The following FURIN variants were observed in gnomAD, a reference collection of about 807,000 sequenced individuals.
The protein encoded by FURIN is furin, paired basic amino acid cleaving enzyme, also known as FES upstream region.
FURIN carries 18 observed loss-of-function variants against 89.2 expected under a neutral mutation model. The ratio of observed to expected loss-of-function variants is 0.20; its 90% CI spans 0.14 to 0.30. FURIN has a LOEUF of 0.30. Ranked by LOEUF, FURIN falls within the 10% of genes least tolerant of loss-of-function variation. The pLI, the probability that FURIN is intolerant of heterozygous loss-of-function variation, is 1.00. For synonymous variants in FURIN, 508 were observed against 466.4 expected (o/e 1.09, Z -1.15); for missense variants, 879 against 1,100.5 (o/e 0.80, Z 2.85).
At position 90,881,542 on chromosome 15, in the gene FURIN, A is replaced by C. The variant is rs1216463942; in HGVS notation, c.2049A>C (p.Arg683=). Residue 683 remains arginine, a synonymous_variant, in exon 16 of 16, where the codon CGA becomes CGC. Coordinates refer to ENST00000268171, the MANE Select transcript of FURIN (RefSeq NM_002569.4). The surrounding 1 kb of genome is among the most constrained non-coding windows in gnomAD (Gnocchi z 4.3). ...QTCSRQSQSS[R]ESPPQQQPPR... ...GCTCCCGGCAAAGCCAGAGCAGCCGAGAGTCCCCGCCACAGCAGCAGCCAC... is the reference window on the plus strand; with the variant it reads ...GCTCCCGGCAAAGCCAGAGCAGCCGCGAGTCCCCGCCACAGCAGCAGCCAC... 1 of 1,611,546 alleles carries C rather than the reference A, an allele frequency of 6.2e-7. No homozygotes were observed. Among genetic ancestry groups the C allele is most frequent in the Non-Finnish European group, 8.5e-7 (1 of 1,179,476 alleles).
At chr15:90,879,141 A>G (rs1000934944) in intron 9 of FURIN, among the ~76,000 whole-genome samples, 165 bp downstream of exon 9, 1 of 152,224 alleles carries the variant, frequency 6.6e-6, no homozygotes, top group African/African-American at 2.4e-5. Context: ...CTTGGAGGCC[A>G]TGGAGCCATC....
chr15:90,871,853 C>T (rs536687112), intron 1 of FURIN, among the ~76,000 whole-genome samples: 2,791 of 150,490 alleles, frequency 0.019, 86 homozygotes, highest in African/African-American at 0.063. Context: ...GGTGGAGCTG[C>T]CGGGAGCAGA....
Position 90,878,968 on chromosome 15 carries a change from A to G in FURIN, c.1045A>G (p.Lys349Glu). The G allele has an allele frequency of 6.3e-7, 1 of 1,588,944 alleles. No homozygotes were observed. The highest frequency in any genetic ancestry group is 8.6e-7 in the Non-Finnish European group (1 of 1,167,004). Residue 349 changes from lysine to glutamate, a missense_variant, in exon 9 of 16, where the codon AAG becomes GAG. This residue lies in a region of FURIN where 156 missense variants were observed against 243.7 expected (regional missense o/e 0.64). Transcript: ENST00000268171. The part of the protein sequence containing the change: ...TTYSSGNQNE[K>E]QIVTTDLRQK... ...CTACAGCAGTGGCAACCAGAATGAG[A>G]AGCAGATCGTGAGTCTTACCTGGGG...
rs2031626692 is a variant in FURIN, at chr15:90,876,380, C to T, written c.276+27C>T. 2 of 1,539,696 alleles carry T rather than the reference C, an allele frequency of 1.3e-6. No homozygotes were observed. Among genetic ancestry groups the T allele is most frequent in the African/African-American group, 1.4e-5 (1 of 73,394 alleles). ...TGAGTGTGGCCCCAGCCCCCTCCTG[C>T]TGCCACCCTCCCCCTCCTGCTCTCA... On this transcript the variant is annotated intron_variant, in intron 3 of 15. Coordinates refer to ENST00000268171, the MANE Select transcript of FURIN (RefSeq NM_002569.4). The surrounding 1 kb of genome is among the most constrained non-coding windows in gnomAD (Gnocchi z 5.0).
chr15:90,879,942 C>G lies in FURIN; in HGVS notation c.1334C>G (p.Ala445Gly), dbSNP rs778834127. 3 of 1,612,832 alleles carry G rather than the reference C, an allele frequency of 1.9e-6. No homozygotes were observed. Among genetic ancestry groups the G allele is most frequent in the South Asian group, 2.2e-5 (2 of 91,076 alleles). Residue 445 changes from alanine (A) to glycine (G), a missense_variant, in exon 12 of 16, where the codon GCC becomes GGC. Physicochemically the swap from Ala to Gly is moderately conservative, Grantham distance 60 (BLOSUM62 0). Coordinates refer to ENST00000268171, the MANE Select transcript of FURIN (RefSeq NM_002569.4). ...VALAQNWTTV[A>G]PQRKCIIDIL... The stretch of plus-strand genomic sequence containing the variant: ...CTGGCCCAGAATTGGACCACAGTGG[C>G]CCCCCAGCGGAAGTGCATCATCGAC...
chr15:90,878,714 C>T (rs1206409681), intron 8 of FURIN, 50 bp from the exon 9 acceptor site: 1 of 1,122,860 alleles, frequency 8.9e-7, no homozygotes, highest in Non-Finnish European at 1.3e-6. Context: ...CTCCTGCCAG[C>T]CCTCCCTCAA....
chr15:90,878,321 T>C lies in FURIN; in HGVS notation c.840+17T>C. The C allele has an allele frequency of 6.4e-7, 1 of 1,560,558 alleles. No homozygotes were observed. Among genetic ancestry groups the C allele is most frequent in the Non-Finnish European group, 8.7e-7 (1 of 1,150,736 alleles). Reference sequence around the variant, plus strand: ...GTTAGCCAGGTGAGGTGGGGATCTGTCCAGCCCCTGCGGGCAGGTTGGGTG... The same window carrying C: ...GTTAGCCAGGTGAGGTGGGGATCTGCCCAGCCCCTGCGGGCAGGTTGGGTG... On this transcript the variant is annotated intron_variant, in intron 8 of 15. Transcript: ENST00000268171.
rs1031373912 is a variant in FURIN at position 90,881,616 on chromosome 15, T to C, written c.2123T>C (p.Leu708Pro). 1.2e-6 allele frequency: 2 copies of C among 1,600,806 alleles called. No individual in the cohort carries two copies. Among genetic ancestry groups the C allele is most frequent in the African/African-American group, 1.3e-5 (1 of 74,640 alleles). ...GCGGGGCAACGGCTGCGGGCAGGGC[T>C]GCTGCCCTCACACCTGCCTGAGGTG... ...VEAGQRLRAG[L>P]LPSHLPEVVA... The change falls in exon 16 of 16, where the codon CTG becomes CCG. Residue 708 changes from leucine (L) to proline (P), a missense_variant. Leu to Pro is a moderately conservative substitution (Grantham distance 98). This residue lies in a region of FURIN where 457 missense variants were observed against 490.7 expected (regional missense o/e 0.93). Coordinates refer to ENST00000268171, the MANE Select transcript of FURIN (RefSeq NM_002569.4). This position sits in a 1 kb window ranked among gnomAD's most constrained non-coding sequence, Gnocchi z 4.3.
intron 1 of FURIN, among the ~76,000 whole-genome samples, chr15:90,869,618 G>GC (rs59065675): frequency 0.49 from 75,014 of 151,844 alleles, 19,762 homozygotes; most frequent in African/African-American, 0.67. Flanking sequence ...TTTGCCTTAT[G>GC]CAGATTGAAG....
intron 1 of FURIN, among the ~76,000 whole-genome samples, chr15:90,870,103 C>G (rs1467827952): frequency 6.6e-6 from 1 of 152,200 alleles, no homozygotes; most frequent in Non-Finnish European, 1.5e-5. Flanking sequence ...CCAGTTCTTG[C>G]AGTGTTTGTA....
At position 90,875,624 on chromosome 15, in the gene FURIN, C is replaced by T. The variant is rs1199472328; in HGVS notation, c.-117C>T. ...CTCCCGAGCCCTGCCCGTCTCGGCCCCATGCCCCCACCAGTCAGCCCCGGG... is the reference window on the plus strand; with the variant it reads ...CTCCCGAGCCCTGCCCGTCTCGGCCTCATGCCCCCACCAGTCAGCCCCGGG... On this transcript the variant is annotated 5_prime_UTR_variant, in exon 2 of 16. Coordinates refer to ENST00000268171, the MANE Select transcript of FURIN (RefSeq NM_002569.4). The T allele has an allele frequency of 3.4e-6, 3 of 888,446 alleles. No individual in the cohort carries two copies. The highest frequency in any genetic ancestry group is 2.7e-5 in the East Asian group (1 of 36,568). 55.0% of individuals were successfully genotyped at this position (888,446 alleles called of 1,614,324 possible). A position where few individuals can be genotyped will look rare whatever the true frequency, so the allele number is the denominator to read the frequency against.
In FURIN at chr15:90,878,310, G is replaced by A. The variant is rs1178671522; in HGVS notation, c.840+6G>A. ...TCTTCCGTGGGGTTAGCCAGGTGAG[G>A]TGGGGATCTGTCCAGCCCCTGCGGG... On this transcript the variant is annotated splice_donor_region_variant and intron_variant, in intron 8 of 15. Coordinates refer to ENST00000268171, the MANE Select transcript of FURIN (RefSeq NM_002569.4). The A allele has an allele frequency of 1.3e-6, 2 of 1,583,292 alleles. No homozygotes were observed. The highest frequency in any genetic ancestry group is 1.3e-5 in the African/African-American group (1 of 74,738).
rs370424383 is a variant in FURIN at position 90,879,565 on chromosome 15, G to A, written c.1154+21G>A. On this transcript the variant is annotated intron_variant, in intron 10 of 15. Transcript: ENST00000268171. The stretch of plus-strand genomic sequence containing the variant: ...GCCAAGTAAGTGGGTGGGGGCCAGC[G>A]GCAACCCTGTCCCTACCAGCACTCT... The A allele has an allele frequency of 1.1e-5, 17 of 1,582,148 alleles. No homozygotes were observed. The African/African-American group carries it at 1.3e-4, about 12-fold the overall frequency.
intron 8 of FURIN, among the ~76,000 whole-genome samples, 187 bp downstream of exon 8, chr15:90,878,491 AC>A (rs2031759783): frequency 6.6e-6 from 1 of 152,222 alleles, no homozygotes; most frequent in Non-Finnish European, 1.5e-5. Flanking sequence ...ATTAAAAAAC[AC>A]ATTTTTTTTA....
Position 90,876,797 on chromosome 15 carries a change from C to T in FURIN, c.373-99C>T. 1 of 1,324,202 alleles carries T rather than the reference C, an allele frequency of 7.6e-7. No homozygotes were observed. The highest frequency in any genetic ancestry group is 1.1e-6 in the Non-Finnish European group (1 of 933,306). 82.0% of individuals were successfully genotyped at this position (1,324,202 alleles called of 1,614,324 possible). On this transcript the variant is annotated intron_variant, in intron 4 of 15. Coordinates refer to ENST00000268171, the MANE Select transcript of FURIN (RefSeq NM_002569.4). The surrounding 1 kb of genome is among the most constrained non-coding windows in gnomAD (Gnocchi z 5.0). ...CGGCCTTTCAGGAGCAGGGATGGTA[C>T]AGGAGGAGGTTTTACGGGGGCAAAG...
At chr15:90,877,091 CAGTG>C in intron 5 of FURIN, 40 bp from the exon 6 acceptor site, 1 of 1,609,528 alleles carries the variant, frequency 6.2e-7, no homozygotes, top group Non-Finnish European at 8.5e-7. Context: ...CTTGTTCTAT[CAGTG>C]AGGTCAGCCT....
chr15:90,877,567 A>C lies in FURIN; in HGVS notation c.619A>C (p.Asn207His). 1.3e-6 allele frequency: 2 copies of C among 1,579,520 alleles called. No homozygotes were observed. ...RCAGEVAAVANNGVCGVGVAY... is the reference protein window; with the variant it reads ...RCAGEVAAVAHNGVCGVGVAY... ...TGCGGGGGAAGTGGCTGCGGTGGCC[A>C]ACAACGGTGTCTGTGGTGTAGGTGT... The change falls in exon 7 of 16, where the codon AAC becomes CAC. Residue 207 changes from asparagine (N) to histidine (H), a missense_variant. By Grantham distance (68) the Asn-to-His change is moderately conservative. Transcript: ENST00000268171.
rs778948972 is a variant in FURIN, at chr15:90,880,822, G to C, written c.1681+7G>C. On this transcript the variant is annotated splice_region_variant and intron_variant, in intron 14 of 15. Coordinates refer to ENST00000268171, the MANE Select transcript of FURIN (RefSeq NM_002569.4). ...AGCGAAGCCAACAACTATGGTACTG[G>C]GGGCACTTGAGGGGTAGGGGTACGA... 6.2e-7 allele frequency: 1 copy of C among 1,612,746 alleles called. No individual in the cohort carries two copies. Among genetic ancestry groups the C allele is most frequent in the Non-Finnish European group, 8.5e-7 (1 of 1,179,078 alleles).
chr15:90,880,506 C>T (rs1018027497), intron 13 of FURIN, among the ~76,000 whole-genome samples, 185 bp from the exon 14 acceptor site: 2 of 152,162 alleles, frequency 1.3e-5, no homozygotes, highest in African/African-American at 4.8e-5. Flanking sequence ...TGCCTGTGTA[C>T]CTTTCTAGAA....
Sources: gnomAD v4.1 joint callset for allele counts (sites outside exome capture counted in the v4.1 genomes callset) on GRCh38, gnomAD v4.1.1 for gene constraint, gnomAD v4.1.1 regional missense constraint, Gnocchi (gnomAD v3.1) non-coding constraint, MANE v1.5 for transcripts, NCBI Gene and HGNC (gene_info 2026-07-23, HGNC 2026-07-21) for gene names.